ZNF469: variants seen among roughly 807,000 people sequenced by gnomAD.
ZNF469 encodes the protein zinc finger protein 469.
In ZNF469, 1 loss-of-function variant was observed where a neutral mutation model predicts 1.0. The observed-to-expected ratio is 1.00, with a 90% confidence interval of 0.35 to 4.73. ZNF469 has a LOEUF of 4.73. Among genes scored for constraint, ZNF469 ranks in the 30% most tolerant of loss-of-function variants. ZNF469 has a pLI of 0.16. For missense variants in ZNF469, 6,100 were observed against 5,356.3 expected (o/e 1.14, Z -4.33); for synonymous variants, 2,703 against 2,363.4 (o/e 1.14, Z -4.17).
At position 88,432,946 on chromosome 16, in the gene ZNF469, A is replaced by G; in HGVS notation, c.5476A>G (p.Ser1826Gly). 1.3e-6 allele frequency: 2 copies of G among 1,550,394 alleles called. No individual in the cohort carries two copies. The highest frequency in any genetic ancestry group is 1.7e-6 in the Non-Finnish European group (2 of 1,146,970). Residue 1826 changes from serine to glycine, a missense_variant, in exon 3 of 3, where the codon AGT becomes GGT. By Grantham distance (56) the Ser-to-Gly change is moderately conservative. Coordinates refer to ENST00000565624, the MANE Select transcript of ZNF469 (RefSeq NM_001367624.2). ...PLDATWPFGA[S>G]PSHAAQGHSA... Reference sequence around the variant, plus strand: ...GGATGCCACCTGGCCTTTTGGTGCCAGTCCCAGCCATGCTGCCCAGGGACA... The same window carrying G: ...GGATGCCACCTGGCCTTTTGGTGCCGGTCCCAGCCATGCTGCCCAGGGACA...
chr16:88,101,055 C>T, the ZNF469 span: 2 of 218,882 alleles, frequency 9.1e-6, no homozygotes, highest in Non-Finnish European at 1.8e-5. Context: ...GGCAGACACG[C>T]CTGCTCGCTC....
At chr16:88,352,083 C>A in the ZNF469 span, among the ~76,000 whole-genome samples, 1 of 152,146 alleles carries the variant, frequency 6.6e-6, no homozygotes, top group Non-Finnish European at 1.5e-5. Flanking sequence ...GGAACAGGCA[C>A]ACACAGAAAG....
the ZNF469 span, among the ~76,000 whole-genome samples, chr16:88,262,860 A>G: frequency 0.016 from 2,502 of 152,084 alleles, 44 homozygotes; most frequent in Admixed American, 0.026. This position sits in a 1 kb window ranked among gnomAD's most constrained non-coding sequence, Gnocchi z 4.3. Context: ...AGTGCAATAA[A>G]ACAGGCTTCG....
rs1186016896 is a variant in ZNF469 at position 88,433,035 on chromosome 16, T to C, written c.5565T>C (p.Asn1855=). 8 of 1,550,124 alleles carry C rather than the reference T, an allele frequency of 5.2e-6. No homozygotes were observed. Among genetic ancestry groups the C allele is most frequent in the Non-Finnish European group, 6.1e-6 (7 of 1,146,940 alleles). Residue 1855 remains asparagine (N), a synonymous_variant, in exon 3 of 3, where the codon AAT becomes AAC. Transcript: ENST00000565624. ...PTAGRPGFEG[N]EFAPAGASSL... is the part of the protein sequence containing the mutation. Reference sequence around the variant, plus strand: ...CAGGGAGGCCTGGCTTTGAGGGTAATGAGTTTGCACCGGCGGGGGCCTCCT... The same window carrying C: ...CAGGGAGGCCTGGCTTTGAGGGTAACGAGTTTGCACCGGCGGGGGCCTCCT...
chr16:88,433,511 A>G lies in ZNF469; in HGVS notation c.6041A>G (p.Asn2014Ser). The change falls in exon 3 of 3, where the codon AAC (asparagine) becomes AGC (serine). Residue 2014 changes from asparagine (N) to serine (S), a missense_variant. Asn to Ser is a conservative substitution (Grantham distance 46, BLOSUM62 1). Coordinates refer to ENST00000565624, the MANE Select transcript of ZNF469 (RefSeq NM_001367624.2). ...GGGGTGAGCCCAGGGGGCACGGACA[A>G]CCACGCCTCAGTCAATGCCAGTCCC... ...ENGVSPGGTD[N>S]HASVNASPKT... is the part of the protein sequence containing the mutation. The G allele has an allele frequency of 6.4e-7, 1 of 1,550,390 alleles. No individual in the cohort carries two copies. The highest frequency in any genetic ancestry group is 8.7e-7 in the Non-Finnish European group (1 of 1,146,930).
chr16:88,226,144 AGG>A, the ZNF469 span, among the ~76,000 whole-genome samples: 1 of 152,114 alleles, frequency 6.6e-6, no homozygotes, highest in African/African-American at 2.4e-5. Context: ...CTGGGGGTGG[AGG>A]GTGCTAAACG....
At chr16:88,380,522 CGCACTAACACACACGCACTA>C (rs2092519243), upstream of ZNF469, among the ~76,000 whole-genome samples, 1 of 113,794 alleles carries the variant, frequency 8.8e-6, no homozygotes. Context: ...TGCACACACA[CGCACTAACACACACGCACTA>C]ACACAGACAT....
At chr16:88,116,913 T>C in the ZNF469 span, among the ~76,000 whole-genome samples, 1 of 151,828 alleles carries the variant, frequency 6.6e-6, no homozygotes, top group East Asian at 1.9e-4. Context: ...GTTACACGAA[T>C]CTACACGTGT....
the ZNF469 span, among the ~76,000 whole-genome samples, chr16:88,230,771 G>GTTC: frequency 1.3e-5 from 2 of 152,174 alleles, no homozygotes; most frequent in Non-Finnish European, 2.9e-5. Flanking sequence ...CAAGGAGTGG[G>GTTC]CATCTGTCCC....
At chr16:88,253,015 G>A in the ZNF469 span, among the ~76,000 whole-genome samples, 4 of 152,148 alleles carry the variant, frequency 2.6e-5, no homozygotes, top group Admixed American at 1.3e-4. Flanking sequence ...TTGAGATTAC[G>A]CTGTTGTGTA....
rs1906781937 is a variant in ZNF469, at chr16:88,438,695, C to G, written c.11225C>G (p.Thr3742Ser). ...GGCAGTGGAAGCCCTCGCCCCGGCA[C>G]CAAGACAGGAGGTGGCAGCCAGCCC... ...SQGSGSPRPG[T>S]KTGGGSQPQP... Residue 3742 changes from threonine to serine, a missense_variant, in exon 3 of 3, where the codon ACC (threonine) becomes AGC (serine). By Grantham distance (58) the Thr-to-Ser change is moderately conservative. Transcript: ENST00000565624. The G allele has an allele frequency of 1.3e-6, 2 of 1,549,912 alleles. No individual in the cohort carries two copies. Among genetic ancestry groups the G allele is most frequent in the African/African-American group, 1.4e-5 (1 of 73,008 alleles).
the ZNF469 span, among the ~76,000 whole-genome samples, chr16:88,246,506 G>A: frequency 6.6e-6 from 1 of 152,206 alleles, no homozygotes; most frequent in South Asian, 2.1e-4. Context: ...GGAGGAGGCT[G>A]TCTTGGCACA....
At chr16:88,422,154 GGATGGGCA>G (rs1401962606) in intron 1 of ZNF469, among the ~76,000 whole-genome samples, 2 of 151,630 alleles carry the variant, frequency 1.3e-5, no homozygotes, top group Admixed American at 6.6e-5. Context: ...ACGGGTGGGT[GGATGGGCA>G]GGTGGATGGG....
chr16:88,157,196 G>T, the ZNF469 span, among the ~76,000 whole-genome samples: 1 of 151,682 alleles, frequency 6.6e-6, no homozygotes, highest in African/African-American at 2.4e-5. Flanking sequence ...TGCTCTCTCG[G>T]GGCTGAAGCC....
At chr16:88,332,729 C>T in the ZNF469 span, among the ~76,000 whole-genome samples, 1 of 152,172 alleles carries the variant, frequency 6.6e-6, no homozygotes, top group Non-Finnish European at 1.5e-5. Context: ...GGGGGGGCTG[C>T]TGGGAACAGG....
At chr16:88,232,049 G>A in the ZNF469 span, among the ~76,000 whole-genome samples, 1 of 152,136 alleles carries the variant, frequency 6.6e-6, no homozygotes, top group Non-Finnish European at 1.5e-5. Context: ...TCCTGGACCT[G>A]GAGCCTGGAG....
the ZNF469 span, among the ~76,000 whole-genome samples, chr16:88,187,709 G>T: frequency 1.6e-5 from 2 of 128,462 alleles, no homozygotes; most frequent in Non-Finnish European, 1.6e-5. Flanking sequence ...ATTCCAGATT[G>T]CCTGCATTTT....
At chr16:88,371,662 G>A in the ZNF469 span, among the ~76,000 whole-genome samples, 1 of 152,188 alleles carries the variant, frequency 6.6e-6, no homozygotes, top group Admixed American at 6.5e-5. Context: ...AGCATTCCTT[G>A]TTCCATCTCT....
the ZNF469 span, among the ~76,000 whole-genome samples, chr16:88,252,814 T>C: frequency 6.6e-6 from 1 of 152,084 alleles, no homozygotes; most frequent in Non-Finnish European, 1.5e-5. Flanking sequence ...TATGAAGACA[T>C]AGAACGTTTT....
Sources: allele counts gnomAD v4.1 joint callset (sites outside exome capture counted in the v4.1 genomes callset), GRCh38; gene constraint gnomAD v4.1.1; non-coding constraint Gnocchi (gnomAD v3.1); transcripts MANE v1.5; gene names NCBI Gene and HGNC (gene_info 2026-07-23, HGNC 2026-07-21).